The following CSGALNACT1 variants were observed in gnomAD, a reference collection of about 807,000 sequenced individuals.
The protein encoded by CSGALNACT1 is beta4GalNAcT-1.
CSGALNACT1 carries 52 observed loss-of-function variants against 51.0 expected under a neutral mutation model. That is an observed-to-expected ratio of 1.02 (90% CI 0.82 to 1.29). The LOEUF is 1.29. Among genes scored for constraint, CSGALNACT1 ranks in the 50% most tolerant of loss-of-function variants. The probability of loss-of-function intolerance (pLI) is 0.00; values close to 1 mark genes in which losing one functional copy is unlikely to be tolerated. For synonymous variants in CSGALNACT1, 341 were observed against 254.4 expected, an observed-to-expected ratio of 1.34 and a Z score of -3.24; for missense variants, 935 against 679.2, an observed-to-expected ratio of 1.38 and a Z score of -4.19.
intron 1 of CSGALNACT1, among the ~76,000 whole-genome samples, chr8:19,733,854 C>T (rs1231306854): frequency 6.6e-6 from 1 of 152,080 alleles, no homozygotes; most frequent in Non-Finnish European, 1.5e-5. Flanking sequence ...GGAACCTCTG[C>T]TGCCATCCCT....
chr8:19,727,327 A>G (rs866192894), intron 1 of CSGALNACT1, among the ~76,000 whole-genome samples: 1 of 150,862 alleles, frequency 6.6e-6, no homozygotes, highest in South Asian at 2.1e-4. Flanking sequence ...GTTTTGTTTG[A>G]TTTGGTTTGG....
chr8:19,645,513 C>T (rs1481455806), intron 1 of CSGALNACT1, among the ~76,000 whole-genome samples: 3 of 152,196 alleles, frequency 2.0e-5, no homozygotes, highest in African/African-American at 7.2e-5. Context: ...GGTTCTTAAC[C>T]TCCCAGAGCA....
At chr8:19,447,087 G>T (rs1163743757) in intron 5 of CSGALNACT1, among the ~76,000 whole-genome samples, 1 of 152,196 alleles carries the variant, frequency 6.6e-6, no homozygotes, top group South Asian at 2.1e-4. Flanking sequence ...CGCCTGCCCT[G>T]TGGAGGGCCG....
intron 1 of CSGALNACT1, among the ~76,000 whole-genome samples, chr8:19,744,967 T>A (rs892741060): frequency 2.6e-5 from 4 of 152,154 alleles, no homozygotes; most frequent in African/African-American, 9.7e-5. Flanking sequence ...AGCTAAAACA[T>A]CCACTGCCAC....
chr8:19,546,417 T>C (rs1294586475), intron 3 of CSGALNACT1, among the ~76,000 whole-genome samples: 1 of 152,300 alleles, frequency 6.6e-6, no homozygotes, highest in African/African-American at 2.4e-5. Context: ...CTCTGGAATA[T>C]TAAGGACTTT....
intron 1 of CSGALNACT1, among the ~76,000 whole-genome samples, chr8:19,679,771 C>A (rs992234219): frequency 6.6e-6 from 1 of 152,156 alleles, no homozygotes. Context: ...CTCTTAGGTT[C>A]TGACATACAA....
At chr8:19,605,167 G>T (rs7014902), upstream of CSGALNACT1, among the ~76,000 whole-genome samples, 1 of 152,114 alleles carries the variant, frequency 6.6e-6, no homozygotes, top group East Asian at 1.9e-4. Context: ...ACTGCAGTTA[G>T]AATAGTTACA....
intron 1 of CSGALNACT1, among the ~76,000 whole-genome samples, chr8:19,722,921 A>G (rs2063203850): frequency 6.6e-6 from 1 of 152,154 alleles, no homozygotes; most frequent in Non-Finnish European, 1.5e-5. Context: ...CGATTTCCCA[A>G]ATGTTTTCAG....
At chr8:19,448,566 A>G (rs770898916) in intron 5 of CSGALNACT1, among the ~76,000 whole-genome samples, 3 of 152,168 alleles carry the variant, frequency 2.0e-5, no homozygotes, top group Non-Finnish European at 2.9e-5. Context: ...AAATGAACTA[A>G]AAGGCTGAGA....
chr8:19,617,895 T>C (rs2053253704), intron 1 of CSGALNACT1, among the ~76,000 whole-genome samples: 1 of 152,198 alleles, frequency 6.6e-6, no homozygotes, highest in African/African-American at 2.4e-5. Context: ...TTTTTATTTT[T>C]TAGAGACAGA....
At chr8:19,420,158 G>T (rs1371523988) in intron 7 of CSGALNACT1, among the ~76,000 whole-genome samples, 182 bp downstream of exon 6, 1 of 152,174 alleles carries the variant, frequency 6.6e-6, no homozygotes, top group Non-Finnish European at 1.5e-5. Context: ...CCCAGTCTCA[G>T]GTGTGTCTTT....
intron 1 of CSGALNACT1, among the ~76,000 whole-genome samples, chr8:19,642,797 A>T (rs1276934297): frequency 6.6e-6 from 1 of 152,070 alleles, no homozygotes; most frequent in Non-Finnish European, 1.5e-5. Flanking sequence ...ACAAAAAAAA[A>T]AAAAAATGGC....
intron 1 of CSGALNACT1, among the ~76,000 whole-genome samples, chr8:19,648,132 C>A (rs1442411129): frequency 1.3e-5 from 2 of 152,124 alleles, no homozygotes; most frequent in African/African-American, 4.8e-5. Flanking sequence ...TATACAGTTC[C>A]TCTAAAAACA....
intron 1 of CSGALNACT1, among the ~76,000 whole-genome samples, chr8:19,749,508 T>C (rs1196072769): frequency 6.6e-6 from 1 of 152,190 alleles, no homozygotes; most frequent in African/African-American, 2.4e-5. Context: ...TTCTGAACTG[T>C]AATGATTTTG....
At chr8:19,676,142 C>T (rs1408866077) in intron 1 of CSGALNACT1, among the ~76,000 whole-genome samples, 1 of 138,682 alleles carries the variant, frequency 7.2e-6, no homozygotes, top group Non-Finnish European at 1.6e-5. Context: ...AGAGTTTACA[C>T]AAGATAACAT....
At chr8:19,514,508 T>TATATATATATATAC (rs1467913759) in intron 3 of CSGALNACT1, among the ~76,000 whole-genome samples, 2 of 139,362 alleles carry the variant, frequency 1.4e-5, no homozygotes, top group African/African-American at 2.8e-5. Flanking sequence ...TATATATATA[T>TATATATATATATAC]ATACATGTAT....
chr8:19,452,962 C>G (rs767367628), intron 5 of CSGALNACT1, among the ~76,000 whole-genome samples: 3 of 152,122 alleles, frequency 2.0e-5, no homozygotes, highest in Non-Finnish European at 4.4e-5. Context: ...AAAATATGCA[C>G]AACAATTCTC....
intron 4 of CSGALNACT1, among the ~76,000 whole-genome samples, chr8:19,482,552 C>T (rs2071708208): frequency 6.6e-6 from 1 of 152,142 alleles, no homozygotes; most frequent in South Asian, 2.1e-4. Context: ...CCACACTCTC[C>T]ATCTAAAGCC....
chr8:19,621,145 C>T (rs2053773354), intron 1 of CSGALNACT1, among the ~76,000 whole-genome samples: 1 of 152,114 alleles, frequency 6.6e-6, no homozygotes, highest in Non-Finnish European at 1.5e-5. Flanking sequence ...AAGTTAGTGA[C>T]GTCTGTTTAA....
Sources: gnomAD v4.1 joint callset for allele counts (sites outside exome capture counted in the v4.1 genomes callset) on GRCh38, gnomAD v4.1.1 for gene constraint, MANE v1.5 for transcripts, NCBI Gene and HGNC (gene_info 2026-07-23, HGNC 2026-07-21) for gene names.